The following PCDH15 variants were observed in gnomAD, a reference collection of about 807,000 sequenced individuals.
PCDH15 encodes the protein protocadherin-15.
A neutral mutation model predicts 178.5 loss-of-function variants in PCDH15; 129 were observed. The observed-to-expected ratio is 0.72, with a 90% confidence interval of 0.63 to 0.84. The LOEUF (loss-of-function observed/expected upper bound fraction) is 0.84. Among genes scored for constraint, PCDH15 ranks in the 40% least tolerant of loss-of-function variants. The pLI, the probability that PCDH15 is intolerant of heterozygous loss-of-function variation, is 0.00. For missense variants in PCDH15, 2,230 were observed against 2,099.9 expected, an observed-to-expected ratio of 1.06 and a Z score of -1.21; for synonymous variants, 800 against 732.0, an observed-to-expected ratio of 1.09 and a Z score of -1.50.
At position 54,677,432 on chromosome 10, in the gene PCDH15, G is replaced by GT. The variant is rs2094810912; in HGVS notation, c.-28-13143dup. 2.6e-5 allele frequency among the ~76,000 whole-genome samples: 4 copies of GT among 152,134 alleles called. No homozygotes were observed. In the South Asian group the frequency reaches 8.3e-4, roughly 32 times the overall value. On this transcript the variant is annotated intron_variant, in intron 1 of 37. Transcript: ENST00000644397. The stretch of plus-strand genomic sequence containing the variant: ...TACCTTGTAAATGGGGGTGTATGAA[G>GT]TTTTTTTAAATCAGATATAATGATA...
intron 1 of PCDH15, among the ~76,000 whole-genome samples, chr10:55,266,366 TTAAGACTAGTCATCATCCATA>T (rs1842294607): frequency 6.6e-6 from 1 of 152,082 alleles, no homozygotes; most frequent in African/African-American, 2.4e-5. Flanking sequence ...AGGAAGTAGC[TTAAGACTAGTCATCATCCATA>T]TTTTAACAGC....
At chr10:54,169,661 C>G (rs921677371) in intron 13 of PCDH15, among the ~76,000 whole-genome samples, 1 of 151,238 alleles carries the variant, frequency 6.6e-6, no homozygotes, top group African/African-American at 2.4e-5. Context: ...TATAAGATAC[C>G]TCTACTCCCT....
intron 1 of PCDH15, among the ~76,000 whole-genome samples, chr10:55,315,984 C>A (rs1370132625): frequency 3.3e-5 from 5 of 152,112 alleles, no homozygotes; most frequent in African/African-American, 4.8e-5. Flanking sequence ...CCATTGCATT[C>A]CAGCCTTGGC....
At chr10:54,200,008 A>AT (rs888032174) in intron 10 of PCDH15, among the ~76,000 whole-genome samples, 3 of 152,150 alleles carry the variant, frequency 2.0e-5, no homozygotes, top group African/African-American at 7.2e-5. Flanking sequence ...CATCTTCAAT[A>AT]TTGAAAAAAG....
At chr10:53,980,844 T>C (rs1024952578) in intron 21 of PCDH15, among the ~76,000 whole-genome samples, 1 of 152,190 alleles carries the variant, frequency 6.6e-6, no homozygotes. Context: ...ATTTATGACA[T>C]CTATTATAAA....
intron 8 of PCDH15, among the ~76,000 whole-genome samples, chr10:54,238,214 T>A (rs1248673669): frequency 1.3e-5 from 2 of 152,142 alleles, no homozygotes; most frequent in Non-Finnish European, 2.9e-5. Flanking sequence ...AATGTTCTCA[T>A]ATTATTTCTT....
intron 2 of PCDH15, among the ~76,000 whole-genome samples, chr10:54,910,151 A>G (rs1014970154): frequency 2.6e-5 from 4 of 152,050 alleles, no homozygotes; most frequent in Non-Finnish European, 2.9e-5. Flanking sequence ...TGCTGCTCCC[A>G]CAGTTGCTCC....
At chr10:53,984,148 C>CTTTTTTTTT (rs66540462) in intron 21 of PCDH15, among the ~76,000 whole-genome samples, 9 of 63,538 alleles carry the variant, frequency 1.4e-4, no homozygotes, top group African/African-American at 2.7e-4. Context: ...TTTTTCTTTT[C>CTTTTTTTTT]TTTTTTTTTT....
chr10:54,909,357 C>T (rs1263789526), intron 2 of PCDH15, among the ~76,000 whole-genome samples: 1 of 152,130 alleles, frequency 6.6e-6, no homozygotes, highest in Non-Finnish European at 1.5e-5. Context: ...CAGTGCAGAG[C>T]TTTCCTTAGC....
chr10:54,920,941 G>A (rs987948116), intron 2 of PCDH15, among the ~76,000 whole-genome samples: 2 of 152,088 alleles, frequency 1.3e-5, no homozygotes, highest in Non-Finnish European at 1.5e-5. Flanking sequence ...ATATCATTAG[G>A]AATAATAAAA....
intron 18 of PCDH15, among the ~76,000 whole-genome samples, chr10:54,035,221 G>A (rs2093388345): frequency 6.6e-6 from 1 of 151,870 alleles, no homozygotes; most frequent in Admixed American, 6.6e-5. Flanking sequence ...GAAGTGGTAA[G>A]TTTACAGGCA....
At chr10:54,027,106 A>C (rs1267562550) in intron 18 of PCDH15, among the ~76,000 whole-genome samples, 1 of 146,324 alleles carries the variant, frequency 6.8e-6, no homozygotes. Context: ...AGGATACAAA[A>C]TCAATGTACA....
At chr10:55,383,214 CA>C (rs1837578351) in intron 2 of PCDH15, among the ~76,000 whole-genome samples, 1 of 152,070 alleles carries the variant, frequency 6.6e-6, no homozygotes, top group Admixed American at 6.5e-5. Flanking sequence ...GGCTCCTCTC[CA>C]AAGTCATGCC....
intron 21 of PCDH15, among the ~76,000 whole-genome samples, chr10:53,980,457 A>T (rs2090544552): frequency 6.6e-6 from 1 of 152,122 alleles, no homozygotes; most frequent in African/African-American, 2.4e-5. Flanking sequence ...GCCATGGATG[A>T]CATCAGAGTT....
chr10:55,248,174 C>T (rs1359927200), intron 1 of PCDH15, among the ~76,000 whole-genome samples: 2 of 151,378 alleles, frequency 1.3e-5, no homozygotes, highest in South Asian at 2.1e-4. Context: ...TAGAAGAGTA[C>T]TGTATCTGCT....
chr10:54,963,229 A>T (rs1334975769), intron 2 of PCDH15, among the ~76,000 whole-genome samples: 1 of 152,122 alleles, frequency 6.6e-6, no homozygotes, highest in Non-Finnish European at 1.5e-5. Flanking sequence ...TGCTACCATA[A>T]TTCTAGTCTT....
intron 1 of PCDH15, among the ~76,000 whole-genome samples, chr10:54,727,547 G>C (rs1942749425): frequency 6.6e-6 from 1 of 151,320 alleles, no homozygotes; most frequent in Non-Finnish European, 1.5e-5. Context: ...AGAATAACAA[G>C]AGCAAACCAA....
At chr10:54,529,001 C>G (rs1326693614) in intron 2 of PCDH15, among the ~76,000 whole-genome samples, 1 of 151,942 alleles carries the variant, frequency 6.6e-6, no homozygotes, top group Non-Finnish European at 1.5e-5. Flanking sequence ...ATGGCACACT[C>G]CTGTACAGCA....
At chr10:54,858,816 A>G (rs1175056150) in intron 3 of PCDH15, among the ~76,000 whole-genome samples, 5 of 152,098 alleles carry the variant, frequency 3.3e-5, no homozygotes, top group Admixed American at 6.6e-5. Flanking sequence ...GGTGAATGGC[A>G]TGACATTATT....
Sources: gnomAD v4.1 joint callset for allele counts (sites outside exome capture counted in the v4.1 genomes callset) on GRCh38, gnomAD v4.1.1 for gene constraint, MANE v1.5 for transcripts, NCBI Gene and HGNC (gene_info 2026-07-23, HGNC 2026-07-21) for gene names.